The following DPY19L1 variants were observed in gnomAD, a reference collection of about 807,000 sequenced individuals.
The protein encoded by DPY19L1 is protein C-mannosyl-transferase DPY19L1.
In DPY19L1, 35 loss-of-function variants were observed where a neutral mutation model predicts 96.9. The observed-to-expected ratio is 0.36, with a 90% CI of 0.28 to 0.48. The LOEUF (loss-of-function observed/expected upper bound fraction) is 0.48, where lower values mean the gene tolerates loss of function less well. Among genes scored for constraint, DPY19L1 ranks in the 20% least tolerant of loss-of-function variants. The pLI is 0.99. For synonymous variants in DPY19L1, 205 were observed against 252.6 expected, an observed-to-expected ratio of 0.81 and a Z score of 1.79; for missense variants, 521 against 777.9, an observed-to-expected ratio of 0.67 and a Z score of 3.93.
intron 10 of DPY19L1, among the ~76,000 whole-genome samples, chr7:34,959,192 G>C (rs139408394): frequency 3.9e-5 from 6 of 152,252 alleles, no homozygotes; most frequent in Non-Finnish European, 8.8e-5. Context: ...TTAGAATGGC[G>C]ATCATTAAAA....
chr7:34,988,423 A>G (rs111704409), intron 7 of DPY19L1, among the ~76,000 whole-genome samples: 1 of 151,184 alleles, frequency 6.6e-6, no homozygotes, highest in Non-Finnish European at 1.5e-5. Context: ...GTCAGGAAAA[A>G]CCAAATCTTT....
intron 20 of DPY19L1, 94 bp from the exon 21 acceptor site, chr7:34,938,213 T>C (rs977785142): frequency 8.1e-5 from 109 of 1,349,700 alleles, no homozygotes; most frequent in Non-Finnish European, 1.1e-4. Context: ...TAGAAGACGA[T>C]GAAGAAGAAT....
At chr7:35,034,208 CACAG>C (rs1584267890) in intron 1 of DPY19L1, among the ~76,000 whole-genome samples, 1 of 152,110 alleles carries the variant, frequency 6.6e-6, no homozygotes, top group East Asian at 1.9e-4. Context: ...AGTCTTTCAC[CACAG>C]ACATGCTTTG....
intron 6 of DPY19L1, among the ~76,000 whole-genome samples, chr7:35,004,044 T>C (rs1785493708): frequency 6.6e-6 from 1 of 152,224 alleles, no homozygotes; most frequent in African/African-American, 2.4e-5. Flanking sequence ...GCCCCATCAC[T>C]TCAAGAACCA....
chr7:34,992,528 ACAAAAC>A (rs1785193260), intron 6 of DPY19L1, among the ~76,000 whole-genome samples: 1 of 145,796 alleles, frequency 6.9e-6, no homozygotes, highest in South Asian at 2.1e-4. Flanking sequence ...AATGTCAGGC[ACAAAAC>A]CTTCCTGCCT....
intron 3 of DPY19L1, among the ~76,000 whole-genome samples, chr7:35,016,167 C>T (rs1330758725): frequency 6.6e-6 from 1 of 152,062 alleles, no homozygotes; most frequent in Admixed American, 6.5e-5. Flanking sequence ...AATGGTGGCT[C>T]ATGGGAAAAC....
chr7:34,949,467 C>G (rs538204898), intron 14 of DPY19L1, among the ~76,000 whole-genome samples: 1 of 152,172 alleles, frequency 6.6e-6, no homozygotes, highest in Non-Finnish European at 1.5e-5. Context: ...TAAATAACCA[C>G]AAAATGAGTG....
At chr7:35,036,550 T>C (rs760096622) in intron 1 of DPY19L1, among the ~76,000 whole-genome samples, 157 of 151,724 alleles carry the variant, frequency 1.0e-3, no homozygotes, top group Non-Finnish European at 1.8e-3. Context: ...CAACACAACC[T>C]AGAAAGTGAC....
intron 15 of DPY19L1, among the ~76,000 whole-genome samples, chr7:34,946,985 G>A (rs1649220): frequency 0.47 from 70,922 of 151,998 alleles, 17,058 homozygotes; most frequent in Admixed American, 0.61. Context: ...CACTGGCCAC[G>A]TATCAGGAAA....
chr7:35,006,153 T>C (rs778571668), intron 6 of DPY19L1, among the ~76,000 whole-genome samples: 3 of 152,224 alleles, frequency 2.0e-5, no homozygotes, highest in African/African-American at 4.8e-5. Flanking sequence ...CATCCTTACA[T>C]AGCAGTAAAA....
Position 34,942,511 on chromosome 7 carries a change from A to T in DPY19L1, c.1569+104T>A. ...CACATAACAGGCTATTTTCAAGATG[A>T]TTGCTGACAATTGCCAACAAAGTTA... On this transcript the variant is annotated intron_variant, in intron 17 of 21. Transcript: ENST00000638088. 3 of 879,682 alleles carry T rather than the reference A, an allele frequency of 3.4e-6. No homozygotes were observed. In the Admixed American group the frequency reaches 7.2e-5, roughly 21 times the overall value. The allele number at this position is 879,682 out of a possible 1,614,324, so 54.5% of individuals were successfully genotyped here.
At chr7:35,008,153 G>A (rs1785610165) in intron 6 of DPY19L1, among the ~76,000 whole-genome samples, 1 of 151,856 alleles carries the variant, frequency 6.6e-6, no homozygotes, top group Non-Finnish European at 1.5e-5. Context: ...CACTAAAGTA[G>A]CCCCTCCATG....
intron 10 of DPY19L1, among the ~76,000 whole-genome samples, chr7:34,966,182 T>TA (rs1399272639): frequency 6.6e-6 from 1 of 152,036 alleles, no homozygotes; most frequent in African/African-American, 2.4e-5. Context: ...ATTTACCCAT[T>TA]TACTATGTTT....
At position 35,037,241 on chromosome 7, in the gene DPY19L1, C is replaced by G. The variant is rs1786448304; in HGVS notation, c.154G>C (p.Ala52Pro). 4.0e-6 allele frequency: 1 copy of G among 249,096 alleles called. No individual in the cohort carries two copies. Among genetic ancestry groups the G allele is most frequent in the African/African-American group, 2.3e-5 (1 of 43,020 alleles). The allele number at this position is 249,096 out of a possible 1,614,324, so 15.4% of individuals were successfully genotyped here. Residue 52 changes from alanine (A) to proline (P), a missense_variant, in exon 1 of 22, where the codon GCC becomes CCC. Ala to Pro is a conservative substitution (Grantham distance 27). Transcript: ENST00000638088. Reference sequence around the variant, plus strand: ...GCGCGGGGCCCCTTCCTGCCCGCGGCGCCCTTGCGCCCCGGGGACAGGGGC... The same window carrying G: ...GCGCGGGGCCCCTTCCTGCCCGCGGGGCCCTTGCGCCCCGGGGACAGGGGC... ...RAPLSPGRKGAAGRKGPRAEP... is the reference protein window; with the variant it reads ...RAPLSPGRKGPAGRKGPRAEP...
chr7:34,979,413 C>T (rs1784893783), intron 7 of DPY19L1, among the ~76,000 whole-genome samples: 1 of 152,052 alleles, frequency 6.6e-6, no homozygotes, highest in African/African-American at 2.4e-5. Context: ...TCAAATTGCA[C>T]TGTCAAAATG....
chr7:34,939,176 A>G, intron 20 of DPY19L1, 100 bp downstream of exon 20: 1 of 1,040,196 alleles, frequency 9.6e-7, no homozygotes, highest in Non-Finnish European at 1.4e-6. Flanking sequence ...TCAGTTCATC[A>G]TATCCTTTTG....
At chr7:35,029,708 C>G (rs1786215474) in intron 1 of DPY19L1, among the ~76,000 whole-genome samples, 1 of 152,170 alleles carries the variant, frequency 6.6e-6, no homozygotes, top group African/African-American at 2.4e-5. Context: ...CAGAGACTGA[C>G]AGGTTGACCA....
rs1268485576 is a variant in DPY19L1 at position 34,931,671 on chromosome 7, T to A, written c.2149A>T (p.Thr717Ser). The change falls in exon 22 of 22, where the codon ACT becomes TCT. Residue 717 changes from threonine (T) to serine (S), a missense_variant. Physicochemically the swap from Thr to Ser is moderately conservative, Grantham distance 58. Transcript: ENST00000638088. ...TTCACCAAGAGGTTACATAAGGGAG[T>A]TTTCCCAGCATTGGCAGGATCTTCT... ...DVEDPANAGKTPLCNLLVKDS... is the reference protein window; with the variant it reads ...DVEDPANAGKSPLCNLLVKDS... 5 of 1,594,234 alleles carry A rather than the reference T, an allele frequency of 3.1e-6. No homozygotes were observed. The highest frequency in any genetic ancestry group is 4.3e-6 in the Non-Finnish European group (5 of 1,171,806).
intron 1 of DPY19L1, among the ~76,000 whole-genome samples, chr7:35,031,970 G>A (rs567559160): frequency 2.2e-4 from 34 of 152,280 alleles, no homozygotes; most frequent in African/African-American, 7.7e-4. Flanking sequence ...TTGGGTCTAT[G>A]TGTCTGTTTG....
Sources: gnomAD v4.1 joint callset for allele counts (sites outside exome capture counted in the v4.1 genomes callset) on GRCh38, gnomAD v4.1.1 for gene constraint, MANE v1.5 for transcripts, NCBI Gene and HGNC (gene_info 2026-07-23, HGNC 2026-07-21) for gene names.